The following TDRD1 variants were observed in gnomAD, a reference collection of about 807,000 sequenced individuals.
TDRD1 encodes tudor domain-containing protein 1.
A neutral mutation model predicts 140.6 loss-of-function variants in TDRD1; 37 were observed. The observed-to-expected ratio is 0.26, with a 90% CI of 0.20 to 0.35. The LOEUF (loss-of-function observed/expected upper bound fraction) is 0.35, where lower values mean the gene tolerates loss of function less well. Ranked by LOEUF, TDRD1 falls within the 10% of genes least tolerant of loss-of-function variation. The pLI, the probability that TDRD1 is intolerant of heterozygous loss-of-function variation, is 1.00. For synonymous variants in TDRD1, 506 were observed against 475.7 expected, an observed-to-expected ratio of 1.06 and a Z score of -0.83; for missense variants, 1,243 against 1,393.0, an observed-to-expected ratio of 0.89 and a Z score of 1.71.
At chr10:114,178,051 C>T, upstream of TDRD1, among the ~76,000 whole-genome samples, 1 of 151,858 alleles carries the variant, frequency 6.6e-6, no homozygotes, top group East Asian at 1.9e-4. Flanking sequence ...CCATGTTGGC[C>T]AGGCTGGTCT....
intron 10 of TDRD1, among the ~76,000 whole-genome samples, chr10:114,206,031 A>G (rs1311066330): frequency 6.6e-6 from 1 of 152,192 alleles, no homozygotes; most frequent in African/African-American, 2.4e-5. Flanking sequence ...TCAGAGAAAA[A>G]ATTCTGTCAA....
intron 1 of TDRD1, among the ~76,000 whole-genome samples, chr10:114,183,251 T>G (rs966777462): frequency 1.3e-5 from 2 of 152,214 alleles, no homozygotes; most frequent in Non-Finnish European, 2.9e-5. Flanking sequence ...AGCAGCATAC[T>G]GAGGATCCAA....
chr10:114,205,713 G>T (rs1365528312), intron 10 of TDRD1, among the ~76,000 whole-genome samples: 1 of 152,136 alleles, frequency 6.6e-6, no homozygotes, highest in African/African-American at 2.4e-5. Flanking sequence ...CCAGAGGCCG[G>T]GAAGGGTAGT....
At chr10:114,206,820 G>A (rs960742100) in intron 11 of TDRD1, among the ~76,000 whole-genome samples, 13 of 151,998 alleles carry the variant, frequency 8.6e-5, no homozygotes, top group African/African-American at 2.9e-4. Flanking sequence ...TCACCATGTT[G>A]GCCAGGCTGG....
chr10:114,217,601 T>A (rs1311631910), exon 17 of TDRD1: 2 of 1,605,986 alleles, frequency 1.2e-6, no homozygotes, highest in East Asian at 4.5e-5. Context: ...CCAGCAGAAG[T>A]TACCTAATGG....
exon 19 of TDRD1, chr10:114,220,716 C>G (rs368443899): frequency 6.2e-7 from 1 of 1,613,574 alleles, no homozygotes; most frequent in Non-Finnish European, 8.5e-7. Context: ...CTTGTTATCC[C>G]AGAATAATTA....
In TDRD1 at chr10:114,220,862, T is replaced by G. The variant is rs1229369935; in HGVS notation, c.2770+19T>G. ...CTTCAAGGTAACATTTTAAAACCAT[T>G]TATTTGTTTAAATTTGTTATTCTTT... On this transcript the variant is annotated intron_variant, in intron 19 of 25. Coordinates refer to ENST00000251864, the Ensembl canonical transcript of TDRD1. 4 of 1,563,828 alleles carry G rather than the reference T, an allele frequency of 2.6e-6. No individual in the cohort carries two copies. Among genetic ancestry groups the G allele is most frequent in the South Asian group, 1.2e-5 (1 of 85,618 alleles).
intron 6 of TDRD1, 72 bp from the exon 7 acceptor site, chr10:114,203,000 C>T (rs753071667): frequency 1.1e-5 from 11 of 970,980 alleles, no homozygotes; most frequent in South Asian, 2.6e-5. Flanking sequence ...GCAGTTCCGA[C>T]GTGTAGTGGC....
intron 23 of TDRD1, 50 bp from the exon 24 acceptor site, chr10:114,227,857 TTTC>T (rs2036528569): frequency 6.7e-7 from 1 of 1,489,308 alleles, no homozygotes; most frequent in South Asian, 1.1e-5. Flanking sequence ...CTCCCAAGTT[TTTC>T]TTCTTTACAT....
Position 114,191,229 on chromosome 10 carries a change from A to G in TDRD1, c.384+210A>G, listed in dbSNP as rs1383808567. The stretch of plus-strand genomic sequence containing the variant: ...TAATGGAGATCCTGTGTAGTCTTTC[A>G]CCTATTTCGCCCATGTTAACATGCT... On this transcript the variant is annotated intron_variant, in intron 3 of 25. Transcript: ENST00000251864. 3.9e-5 allele frequency among the ~76,000 whole-genome samples: 6 copies of G among 152,330 alleles called. No homozygotes were observed. In the East Asian group the frequency reaches 7.7e-4, roughly 20 times the overall value.
At position 114,202,949 on chromosome 10, in the gene TDRD1, G is replaced by A. The variant is rs1171177277; in HGVS notation, c.697-123G>A. ...ACTCTTGGAGGCCTTCCCTATTTCT[G>A]TGTTCTTTTGTTCAAGCCTAAGAGT... On this transcript the variant is annotated intron_variant, in intron 6 of 25. Transcript: ENST00000251864. 4 of 695,368 alleles carry A rather than the reference G, an allele frequency of 5.8e-6. No individual in the cohort carries two copies. In the East Asian group the frequency reaches 8.2e-5, roughly 14 times the overall value. The allele number at this position is 695,368 out of a possible 1,614,324, so 43.1% of individuals were successfully genotyped here.
At chr10:114,201,440 C>T (rs2034733890) in exon 5 of TDRD1, 1 of 1,613,910 alleles carries the variant, frequency 6.2e-7, no homozygotes, top group African/African-American at 1.3e-5. Flanking sequence ...TGCAAGCAGA[C>T]CTACTATTGC....
intron 1 of TDRD1, among the ~76,000 whole-genome samples, chr10:114,180,703 G>A (rs2032982099): frequency 1.3e-5 from 2 of 152,136 alleles, no homozygotes; most frequent in Admixed American, 1.3e-4. Context: ...CACCTCAGGT[G>A]ATCCGCCCAC....
chr10:114,197,790 T>G (rs971243059), intron 3 of TDRD1, among the ~76,000 whole-genome samples: 5 of 152,042 alleles, frequency 3.3e-5, no homozygotes, highest in Non-Finnish European at 7.4e-5. Context: ...CCTGAGTAAC[T>G]GGGATTATGG....
chr10:114,198,345 G>C (rs1392401777), intron 3 of TDRD1, among the ~76,000 whole-genome samples: 1 of 152,164 alleles, frequency 6.6e-6, no homozygotes, highest in African/African-American at 2.4e-5. Context: ...GTTGCCAGGT[G>C]GAAATCCGGG....
chr10:114,192,843 G>A (rs1479763583), intron 3 of TDRD1, among the ~76,000 whole-genome samples: 1 of 152,088 alleles, frequency 6.6e-6, no homozygotes, highest in South Asian at 2.1e-4. Flanking sequence ...TTGATTCCTG[G>A]AGCTGTGTAA....
chr10:114,176,961 A>G (rs1254411351), upstream of TDRD1, among the ~76,000 whole-genome samples: 1 of 152,248 alleles, frequency 6.6e-6, no homozygotes, highest in Non-Finnish European at 1.5e-5. The surrounding 1 kb of genome is among the most constrained non-coding windows in gnomAD (Gnocchi z 4.2). Context: ...AGTGCTTAAC[A>G]AACAAAATAC....
At chr10:114,194,192 G>C (rs2034181292) in intron 3 of TDRD1, among the ~76,000 whole-genome samples, 1 of 152,106 alleles carries the variant, frequency 6.6e-6, no homozygotes, top group East Asian at 1.9e-4. Context: ...TGAGTATCAA[G>C]GTAGTATTAG....
intron 4 of TDRD1, among the ~76,000 whole-genome samples, chr10:114,200,191 G>T (rs904884887): frequency 1.3e-5 from 2 of 152,140 alleles, no homozygotes; most frequent in African/African-American, 4.8e-5. Flanking sequence ...TTTTCAGTAC[G>T]TAAGTCTTAC....
Sources: allele counts gnomAD v4.1 joint callset (sites outside exome capture counted in the v4.1 genomes callset), GRCh38; gene constraint gnomAD v4.1.1; non-coding constraint Gnocchi (gnomAD v3.1); transcripts MANE v1.5; gene names NCBI Gene and HGNC (gene_info 2026-07-23, HGNC 2026-07-21).